Variants in CACNA1E observed in about 807,000 individuals in gnomAD.
CACNA1E encodes the protein voltage-dependent R-type calcium channel subunit alpha-1E.
In CACNA1E, 40 loss-of-function variants were observed where a neutral mutation model predicts 259.2. That is an observed-to-expected ratio of 0.15 (90% CI 0.12 to 0.20). The LOEUF is 0.20. CACNA1E is among the 10% of genes least tolerant of loss of function. The pLI is 1.00. For synonymous variants in CACNA1E, 1,104 were observed against 1,138.5 expected, an observed-to-expected ratio of 0.97 and a Z score of 0.61; for missense variants, 1,874 against 3,040.1, an observed-to-expected ratio of 0.62 and a Z score of 9.02.
At chr1:181,401,496 T>C (rs1571774180) in intron 1 of CACNA1E, among the ~76,000 whole-genome samples, 3 of 152,286 alleles carry the variant, frequency 2.0e-5, no homozygotes, top group Admixed American at 2.0e-4. Context: ...GTCAATGTAT[T>C]GAATAAGTAA....
chr1:181,390,976 A>T (rs1383584631), intron 1 of CACNA1E, among the ~76,000 whole-genome samples: 1 of 152,176 alleles, frequency 6.6e-6, no homozygotes, highest in African/African-American at 2.4e-5. Flanking sequence ...CCATCTCTGT[A>T]ATTTCCACCC....
intron 2 of CACNA1E, among the ~76,000 whole-genome samples, chr1:181,444,896 C>T (rs900053365): frequency 6.6e-6 from 1 of 152,144 alleles, no homozygotes. Context: ...GGGGTCTCCT[C>T]TTCCATTTTT....
chr1:181,766,648 T>G (rs1280468157), intron 35 of CACNA1E, 37 bp downstream of exon 35: 1 of 1,484,754 alleles, frequency 6.7e-7, no homozygotes, highest in Admixed American at 1.7e-5. Flanking sequence ...GGGGGACAGC[T>G]GTTACCCAGA....
intron 1 of CACNA1E, among the ~76,000 whole-genome samples, chr1:181,335,821 A>G (rs1422324026): frequency 6.6e-6 from 1 of 152,208 alleles, no homozygotes; most frequent in Non-Finnish European, 1.5e-5. Context: ...AAGCAGAGGT[A>G]TCTGTGAGGC....
chr1:181,727,018 G>C (rs2102515156), intron 18 of CACNA1E, among the ~76,000 whole-genome samples: 1 of 152,314 alleles, frequency 6.6e-6, no homozygotes, highest in South Asian at 2.1e-4. Flanking sequence ...AGTGGTGGTA[G>C]TTACTGTATC....
intron 1 of CACNA1E, among the ~76,000 whole-genome samples, chr1:181,390,966 C>G (rs887738427): frequency 2.0e-5 from 3 of 152,176 alleles, no homozygotes; most frequent in Non-Finnish European, 4.4e-5. Context: ...CCTTACCTTT[C>G]CATCTCTGTA....
rs1193787840 is a variant in CACNA1E at position 181,798,002 on chromosome 1, T to C, written c.6400-290T>C. Among the ~76,000 whole-genome samples, 3 of 152,194 alleles carry C rather than the reference T, an allele frequency of 2.0e-5. No individual in the cohort carries two copies. Among genetic ancestry groups the C allele is most frequent in the African/African-American group, 7.2e-5 (3 of 41,444 alleles). ...CCCCTAGCATCACCTGGAAGCTTGT[T>C]AGAAATGCAAAATCTCAGTCCTTGC... On this transcript the variant is annotated intron_variant, in intron 47 of 47. Coordinates refer to ENST00000367573, the MANE Select transcript of CACNA1E (RefSeq NM_001205293.3). The surrounding 1 kb of genome is among the most constrained non-coding windows in gnomAD (Gnocchi z 4.2).
chr1:181,646,982 TG>T (rs1658331307), intron 6 of CACNA1E, among the ~76,000 whole-genome samples: 1 of 151,226 alleles, frequency 6.6e-6, no homozygotes. Flanking sequence ...CGTGCACACG[TG>T]TGCATGTGTG....
intron 18 of CACNA1E, among the ~76,000 whole-genome samples, chr1:181,729,468 A>G (rs1655261768): frequency 6.6e-6 from 1 of 152,248 alleles, no homozygotes; most frequent in Non-Finnish European, 1.5e-5. Flanking sequence ...AGAAACACAG[A>G]AGAAGCACTG....
At chr1:181,441,364 A>T (rs1660462829) in intron 2 of CACNA1E, among the ~76,000 whole-genome samples, 1 of 152,140 alleles carries the variant, frequency 6.6e-6, no homozygotes, top group Admixed American at 6.5e-5. Context: ...GTTGGTCAGG[A>T]TGGTCTTGAT....
At chr1:181,576,001 T>A (rs1246785901) in intron 3 of CACNA1E, among the ~76,000 whole-genome samples, 1 of 152,184 alleles carries the variant, frequency 6.6e-6, no homozygotes, top group Non-Finnish European at 1.5e-5. Context: ...TATTAGAAAT[T>A]ATATGACCCC....
chr1:181,660,061 A>G (rs894865024), intron 7 of CACNA1E, among the ~76,000 whole-genome samples: 1 of 152,212 alleles, frequency 6.6e-6, no homozygotes, highest in African/African-American at 2.4e-5. Flanking sequence ...TCACGTATAC[A>G]ATGTGACCCG....
intron 6 of CACNA1E, among the ~76,000 whole-genome samples, chr1:181,605,647 C>T (rs1039701150): frequency 2.1e-4 from 32 of 152,088 alleles, no homozygotes; most frequent in Admixed American, 7.9e-4. Context: ...ATTTCTGACA[C>T]CCCCCAGCAG....
At chr1:181,771,266 C>CTGTT (rs1659484729) in intron 35 of CACNA1E, 27 bp from the exon 36 acceptor site, 2 of 1,308,094 alleles carry the variant, frequency 1.5e-6, no homozygotes, top group Non-Finnish European at 2.2e-6. Context: ...GTAATGCTCA[C>CTGTT]TGTTTTCTGT....
chr1:181,711,329 C>T (rs1653340360), intron 8 of CACNA1E, among the ~76,000 whole-genome samples: 1 of 152,218 alleles, frequency 6.6e-6, no homozygotes, highest in Non-Finnish European at 1.5e-5. Context: ...ATAACCCAAT[C>T]CTGGAGCTGA....
At position 181,680,105 on chromosome 1, in the gene CACNA1E, CAAAAAAAAAA is replaced by C. The variant is rs56198008; in HGVS notation, c.1055+28684_1055+28693del. ...TGCATGACAGAGTGAGACCTTGTCTCAAAAAAAAAAAAAAAAAAAAAAAAAAAAAGAGTCC... is the reference window on the plus strand; with the variant it reads ...TGCATGACAGAGTGAGACCTTGTCTCAAAAAAAAAAAAAAAAAAAGAGTCC... On this transcript the variant is annotated intron_variant, in intron 7 of 47. Coordinates refer to ENST00000367573, the MANE Select transcript of CACNA1E (RefSeq NM_001205293.3). Among the ~76,000 whole-genome samples, 381 of 78,496 alleles carry C rather than the reference CAAAAAAAAAA, an allele frequency of 4.9e-3. 7 individuals carry two copies. The highest frequency in any genetic ancestry group is 0.012 in the African/African-American group (259 of 21,282). 51.5% of individuals were successfully genotyped at this position (78,496 alleles called of 152,430 possible). A position where few individuals can be genotyped will look rare whatever the true frequency, so the allele number is the denominator to read the frequency against.
At chr1:181,394,961 T>G (rs1381075302) in intron 1 of CACNA1E, among the ~76,000 whole-genome samples, 1 of 152,142 alleles carries the variant, frequency 6.6e-6, no homozygotes, top group African/African-American at 2.4e-5. Flanking sequence ...CTGTGGCTGT[T>G]ACTCTAAGTG....
At chr1:181,748,209 G>GC (rs970614927) in intron 25 of CACNA1E, among the ~76,000 whole-genome samples, 9 of 151,954 alleles carry the variant, frequency 5.9e-5, no homozygotes, top group Admixed American at 2.0e-4. Flanking sequence ...GTGACAAATA[G>GC]CCCCCCCAGT....
intron 1 of CACNA1E, among the ~76,000 whole-genome samples, chr1:181,397,599 G>A (rs1656776960): frequency 6.6e-6 from 1 of 152,208 alleles, no homozygotes; most frequent in Non-Finnish European, 1.5e-5. Flanking sequence ...CGCCTGGACA[G>A]GGTGGGGTGT....
Sources: allele counts gnomAD v4.1 joint callset (sites outside exome capture counted in the v4.1 genomes callset), GRCh38; gene constraint gnomAD v4.1.1; non-coding constraint Gnocchi (gnomAD v3.1); transcripts MANE v1.5; gene names NCBI Gene and HGNC (gene_info 2026-07-23, HGNC 2026-07-21).